The following MTURN variants were observed in gnomAD, a reference collection of about 807,000 sequenced individuals.
MTURN encodes the protein maturin, neural progenitor differentiation regulator homolog.
A neutral mutation model predicts 14.9 loss-of-function variants in MTURN; 7 were observed. The observed-to-expected ratio is 0.47, with a 90% CI of 0.27 to 0.88. The LOEUF (loss-of-function observed/expected upper bound fraction) is 0.88, where lower values mean the gene tolerates loss of function less well. MTURN is among the 40% of genes least tolerant of loss of function. MTURN has a pLI of 0.14. For missense variants in MTURN, 151 were observed against 174.1 expected (o/e 0.87, Z 0.75); for synonymous variants, 69 against 72.5 (o/e 0.95, Z 0.25).
intron 2 of MTURN, among the ~76,000 whole-genome samples, chr7:30,150,200 C>T (rs1301937032): frequency 2.0e-5 from 3 of 152,102 alleles, no homozygotes; most frequent in Non-Finnish European, 4.4e-5. Context: ...GCGTTATCCA[C>T]GGTAGGCACT....
In MTURN at chr7:30,162,211, G is replaced by C. The variant is rs1323942863; in HGVS notation, c.*4663G>C. ...GTTGTTTGATACCAGACAGAAAGCT[G>C]ACAGTCTGTTCTTTGTAAACTGCCT... On this transcript the variant is annotated 3_prime_UTR_variant, in exon 3 of 3. Transcript: ENST00000324453. 2.0e-5 allele frequency: 3 copies of C among 152,158 alleles called. No individual in the cohort carries two copies. The highest frequency in any genetic ancestry group is 7.2e-5 in the African/African-American group (3 of 41,428). The allele number at this position is 152,158 out of a possible 1,614,324, so 9.4% of individuals were successfully genotyped here.
At chr7:30,140,924 T>C (rs1797040859) in intron 1 of MTURN, 1 of 152,208 alleles carries the variant, frequency 6.6e-6, no homozygotes, top group African/African-American at 2.4e-5. Context: ...TACAAATGAA[T>C]ACACGAGGCT....
chr7:30,148,067 C>A (rs529915614), intron 2 of MTURN, among the ~76,000 whole-genome samples: 2 of 152,174 alleles, frequency 1.3e-5, no homozygotes, highest in African/African-American at 4.8e-5. Flanking sequence ...CAAGGACACA[C>A]GTAATGTCGT....
chr7:30,135,193 C>T lies in MTURN; in HGVS notation c.57C>T (p.Phe19=), dbSNP rs1369995214. The change falls in exon 1 of 3, where the codon TTC becomes TTT. Residue 19 remains phenylalanine (F), a synonymous_variant. Transcript: ENST00000324453. Reference sequence around the variant, plus strand: ...AGAAATGGTGCTCCAACACGCCCTTCGAGCTCATCGCCACCGAGGAGACCG... The same window carrying T: ...AGAAATGGTGCTCCAACACGCCCTTTGAGCTCATCGCCACCGAGGAGACCG... ...VAEKWCSNTP[F]ELIATEETER... The T allele has an allele frequency of 1.3e-6, 2 of 1,504,978 alleles. No individual in the cohort carries two copies. The highest frequency in any genetic ancestry group is 5.7e-5 in the East Asian group (2 of 35,284). The allele number at this position is 1,504,978 out of a possible 1,614,324, so 93.2% of individuals were successfully genotyped here.
intron 2 of MTURN, among the ~76,000 whole-genome samples, chr7:30,150,836 C>T (rs1797200632): frequency 1.3e-5 from 2 of 152,236 alleles, no homozygotes; most frequent in Non-Finnish European, 2.9e-5. Context: ...GGTAGATCGG[C>T]TCTGCCCTGT....
intron 1 of MTURN, among the ~76,000 whole-genome samples, chr7:30,140,415 G>GTGTGTGTGTATATATATATATATATA (rs33952294): frequency 0.055 from 7,919 of 143,576 alleles, 263 homozygotes; most frequent in South Asian, 0.086. Context: ...GTGTGTGTGT[G>GTGTGTGTGTATATATATATATATATA]TATCCCCATT....
In MTURN at chr7:30,161,833, A is replaced by G. The variant is rs143109219; in HGVS notation, c.*4285A>G. ...AAGACCCAGTCACTTCTCCCAGTTT[A>G]GTGATAACAGGTATGACACAAGAAG... is the stretch of plus-strand genomic sequence containing the variant. On this transcript the variant is annotated 3_prime_UTR_variant, in exon 3 of 3. Coordinates refer to ENST00000324453, the MANE Select transcript of MTURN (RefSeq NM_152793.3). 2.6e-5 allele frequency: 4 copies of G among 152,288 alleles called. No individual in the cohort carries two copies. Among genetic ancestry groups the G allele is most frequent in the African/African-American group, 7.2e-5 (3 of 41,554 alleles). 9.4% of individuals were successfully genotyped at this position (152,288 alleles called of 1,614,324 possible).
intron 1 of MTURN, 87 bp from the exon 2 acceptor site, chr7:30,146,090 A>G: frequency 6.2e-7 from 1 of 1,601,248 alleles, no homozygotes; most frequent in Non-Finnish European, 8.5e-7. Context: ...TGTTATTAAG[A>G]AAATCTGCTT....
intron 1 of MTURN, among the ~76,000 whole-genome samples, chr7:30,136,126 G>A (rs1008394703): frequency 0.024 from 1 of 42 alleles, no homozygotes; most frequent in Non-Finnish European, 0.038. Flanking sequence ...CAGCCGAGGC[G>A]GTGCCCTGGC....
chr7:30,155,856 G>A (rs1343494929), intron 2 of MTURN, among the ~76,000 whole-genome samples: 1 of 152,218 alleles, frequency 6.6e-6, no homozygotes. Context: ...CATTTCAGCC[G>A]TGGAGGGAGT....
intron 1 of MTURN, among the ~76,000 whole-genome samples, chr7:30,135,949 C>T (rs1323815570): frequency 6.6e-6 from 1 of 151,930 alleles, no homozygotes; most frequent in African/African-American, 2.4e-5. Context: ...AATACGCACG[C>T]GCGCCTGCGC....
rs1243155661 is a variant in MTURN, at chr7:30,159,357, AC to A, written c.*1811del. ...ACACAGGTGTCGCCCAGGTTTCGTA[AC>A]CTCCACTTTAATGCAGTAAGCCGCA... On this transcript the variant is annotated 3_prime_UTR_variant, in exon 3 of 3. Coordinates refer to ENST00000324453, the MANE Select transcript of MTURN (RefSeq NM_152793.3). 1 of 152,112 alleles carries A rather than the reference AC, an allele frequency of 6.6e-6. No individual in the cohort carries two copies. Among genetic ancestry groups the A allele is most frequent in the Non-Finnish European group, 1.5e-5 (1 of 68,024 alleles). 9.4% of individuals were successfully genotyped at this position (152,112 alleles called of 1,614,324 possible).
chr7:30,144,973 G>C (rs1298738664), intron 1 of MTURN, among the ~76,000 whole-genome samples: 1 of 133,614 alleles, frequency 7.5e-6, no homozygotes, highest in African/African-American at 2.9e-5. Context: ...AGCCATCCTG[G>C]ATCCGTCCCC....
intron 1 of MTURN, chr7:30,145,815 A>G: frequency 1.3e-6 from 2 of 1,522,972 alleles, no homozygotes; most frequent in South Asian, 2.5e-5. Flanking sequence ...TTTTGAAGGC[A>G]AAGGCTCTGG....
At chr7:30,144,083 C>T (rs1797093777) in intron 1 of MTURN, among the ~76,000 whole-genome samples, 2 of 152,206 alleles carry the variant, frequency 1.3e-5, no homozygotes, top group Non-Finnish European at 2.9e-5. Context: ...TAAGCCCACC[C>T]CTTCCCCTCT....
At chr7:30,156,461 T>G (rs1228509238) in intron 2 of MTURN, among the ~76,000 whole-genome samples, 1 of 151,762 alleles carries the variant, frequency 6.6e-6, no homozygotes, top group Non-Finnish European at 1.5e-5. Context: ...GTCCAGGTGT[T>G]GGAGACCAGC....
chr7:30,161,558 G>GTAA lies in MTURN; in HGVS notation c.*4011_*4013dup, dbSNP rs893849839. The GTAA allele has an allele frequency of 1.1e-4, 16 of 152,224 alleles. No individual in the cohort carries two copies. Among genetic ancestry groups the GTAA allele is most frequent in the Non-Finnish European group, 2.4e-4 (16 of 68,070 alleles). The allele number at this position is 152,224 out of a possible 1,614,324, so 9.4% of individuals were successfully genotyped here. A position where few individuals can be genotyped will look rare whatever the true frequency, so the allele number is the denominator to read the frequency against. The stretch of plus-strand genomic sequence containing the variant: ...GAGAGGGGCTCCAGGCACCCGGCAG[G>GTAA]TAAATCACAAAGCAAACTTGGGTGT... On this transcript the variant is annotated 3_prime_UTR_variant, in exon 3 of 3. Coordinates refer to ENST00000324453, the MANE Select transcript of MTURN (RefSeq NM_152793.3).
At chr7:30,152,094 C>T (rs1298309608) in intron 2 of MTURN, among the ~76,000 whole-genome samples, 2 of 152,090 alleles carry the variant, frequency 1.3e-5, no homozygotes, top group Non-Finnish European at 2.9e-5. Flanking sequence ...AGATTATGCA[C>T]ACATGTGGGT....
chr7:30,157,571 G>C lies in MTURN; in HGVS notation c.*23G>C. 4 of 1,566,384 alleles carry C rather than the reference G, an allele frequency of 2.6e-6. No individual in the cohort carries two copies. The highest frequency in any genetic ancestry group is 3.5e-6 in the Non-Finnish European group (4 of 1,156,212). ...TAAATCTGGGGGCTCCCCTGAGAAG[G>C]AGAGTGAGCCCCACAGTAACCTAGG... On this transcript the variant is annotated 3_prime_UTR_variant, in exon 3 of 3. Coordinates refer to ENST00000324453, the MANE Select transcript of MTURN (RefSeq NM_152793.3).
Sources: gnomAD v4.1 joint callset for allele counts (sites outside exome capture counted in the v4.1 genomes callset) on GRCh38, gnomAD v4.1.1 for gene constraint, MANE v1.5 for transcripts, NCBI Gene and HGNC (gene_info 2026-07-23, HGNC 2026-07-21) for gene names.